Variants in THSD7A observed in about 807,000 individuals in gnomAD.
THSD7A encodes the protein thrombospondin type 1 domain containing 7A, also known as thrombospondin type-1 domain-containing protein 7A.
In THSD7A, 96 loss-of-function variants were observed where a neutral mutation model predicts 231.3. That is an observed-to-expected ratio of 0.41 (90% CI 0.35 to 0.49). THSD7A has a LOEUF of 0.49. Ranked by LOEUF, THSD7A falls within the 20% of genes least tolerant of loss-of-function variation. The probability of loss-of-function intolerance (pLI) is 0.05; values close to 1 mark genes in which losing one functional copy is unlikely to be tolerated. For synonymous variants in THSD7A, 940 were observed against 743.3 expected (o/e 1.26, Z -4.30); for missense variants, 2,290 against 2,070.2 (o/e 1.11, Z -2.06).
chr7:11,601,492 C>G (rs1006993853), intron 2 of THSD7A, among the ~76,000 whole-genome samples: 46 of 152,126 alleles, frequency 3.0e-4, no homozygotes, highest in African/African-American at 1.1e-3. Context: ...CTTGTGGCAA[C>G]CTTGGAGGCT....
At chr7:11,499,804 G>A (rs1391642875) in intron 6 of THSD7A, among the ~76,000 whole-genome samples, 2 of 152,188 alleles carry the variant, frequency 1.3e-5, no homozygotes, top group Admixed American at 1.3e-4. Context: ...AAACATCTGC[G>A]AAGTATGGGA....
chr7:11,406,632 G>T lies in THSD7A; in HGVS notation c.4063-158C>A, dbSNP rs980130677. Among the ~76,000 whole-genome samples the T allele has an allele frequency of 6.6e-6, 1 of 152,134 alleles. No homozygotes were observed. Among genetic ancestry groups the T allele is most frequent in the African/African-American group, 2.4e-5 (1 of 41,418 alleles). ...AGCCCTATAGGGCACTAGCAATAAA[G>T]CATACATTGAACAATTTGTTTCCTA... On this transcript the variant is annotated intron_variant, in intron 21 of 27. Coordinates refer to ENST00000423059, the MANE Select transcript of THSD7A (RefSeq NM_015204.3). The surrounding 1 kb of genome is among the most constrained non-coding windows in gnomAD (Gnocchi z 4.7).
chr7:11,667,671 C>A (rs905403445), intron 1 of THSD7A, among the ~76,000 whole-genome samples: 1 of 151,896 alleles, frequency 6.6e-6, no homozygotes, highest in East Asian at 1.9e-4. Flanking sequence ...GTTAAAATGC[C>A]GATACATGTT....
intron 6 of THSD7A, among the ~76,000 whole-genome samples, chr7:11,540,892 C>A (rs1789117701): frequency 6.6e-6 from 1 of 152,120 alleles, no homozygotes; most frequent in East Asian, 1.9e-4. Flanking sequence ...CCCTAGAGAG[C>A]AAAAGGTCGG....
intron 4 of THSD7A, among the ~76,000 whole-genome samples, chr7:11,576,007 A>G (rs1046592503): frequency 2.6e-5 from 4 of 152,198 alleles, no homozygotes; most frequent in African/African-American, 9.6e-5. Context: ...TCTGTTGCCT[A>G]ATGGGCACTG....
intron 6 of THSD7A, among the ~76,000 whole-genome samples, chr7:11,491,724 A>G (rs949735730): frequency 6.6e-6 from 1 of 152,156 alleles, no homozygotes; most frequent in Non-Finnish European, 1.5e-5. Context: ...ACATAAATAG[A>G]TGGTTCCACA....
At chr7:11,496,322 A>T (rs1403414781) in intron 6 of THSD7A, among the ~76,000 whole-genome samples, 1 of 152,314 alleles carries the variant, frequency 6.6e-6, no homozygotes, top group Admixed American at 6.5e-5. Context: ...GTGAGAGACT[A>T]GCTTAATTTA....
rs148164969 is a variant in THSD7A, at chr7:11,417,668, C to A, written c.3384-65G>T. On this transcript the variant is annotated intron_variant, in intron 16 of 27. Transcript: ENST00000423059. ...CATTCTAGAAGTAAAGAAAACAGGA[C>A]AATTAGAATGACCAACCCACAGGAC... 163 of 1,516,774 alleles carry A rather than the reference C, an allele frequency of 1.1e-4. No homozygotes were observed. In the African/African-American group the frequency reaches 1.9e-3, roughly 18 times the overall value. The allele number at this position is 1,516,774 out of a possible 1,614,324, so 94.0% of individuals were successfully genotyped here. A position where few individuals can be genotyped will look rare whatever the true frequency, so the allele number is the denominator to read the frequency against.
At position 11,406,168 on chromosome 7, in the gene THSD7A, G is replaced by T; in HGVS notation, c.4237+132C>A. On this transcript the variant is annotated intron_variant, in intron 22 of 27. Transcript: ENST00000423059. This position sits in a 1 kb window ranked among gnomAD's most constrained non-coding sequence, Gnocchi z 4.7. ...CCGTTCCCCACAGGCATAGTGTTGA[G>T]CTGTTGGCATAGATATTACTGAATA... 2.2e-6 allele frequency: 2 copies of T among 919,840 alleles called. No homozygotes were observed. The highest frequency in any genetic ancestry group is 3.2e-6 in the Non-Finnish European group (2 of 625,434). The allele number at this position is 919,840 out of a possible 1,614,324, so 57.0% of individuals were successfully genotyped here. A position where few individuals can be genotyped will look rare whatever the true frequency, so the allele number is the denominator to read the frequency against.
chr7:11,790,414 T>C (rs1323004511), intron 1 of THSD7A, among the ~76,000 whole-genome samples: 1 of 151,926 alleles, frequency 6.6e-6, no homozygotes, highest in African/African-American at 2.4e-5. Context: ...TACTTTACAA[T>C]AGAATGGTTT....
intron 1 of THSD7A, among the ~76,000 whole-genome samples, chr7:11,691,749 A>C (rs1020778493): frequency 6.6e-6 from 1 of 151,436 alleles, no homozygotes; most frequent in Non-Finnish European, 1.5e-5. Flanking sequence ...TTGAATTATT[A>C]AGACAACTTT....
intron 6 of THSD7A, among the ~76,000 whole-genome samples, chr7:11,538,395 C>T (rs1789002575): frequency 6.6e-6 from 1 of 152,130 alleles, no homozygotes; most frequent in African/African-American, 2.4e-5. Flanking sequence ...ATTTGATTTA[C>T]ACTCTCAAGT....
In THSD7A at chr7:11,412,623, C is replaced by CTT. The variant is rs757041182; in HGVS notation, c.3682+31_3682+32dup. ...AGAGCTGACAGACACAGGATTTGGACTTAACTCCGTGATCAGATGATGATC... is the reference window on the plus strand; with the variant it reads ...AGAGCTGACAGACACAGGATTTGGACTTTTAACTCCGTGATCAGATGATGATC... On this transcript the variant is annotated intron_variant, in intron 18 of 27. Transcript: ENST00000423059. 1.5e-5 allele frequency: 24 copies of CTT among 1,612,236 alleles called. No individual in the cohort carries two copies. The Admixed American group carries it at 4.0e-4, about 27-fold the overall frequency.
intron 4 of THSD7A, among the ~76,000 whole-genome samples, chr7:11,553,902 A>G (rs937150126): frequency 1.3e-5 from 2 of 151,986 alleles, no homozygotes; most frequent in African/African-American, 4.8e-5. Context: ...CCAATGAAGT[A>G]TTCTGAAGAT....
At chr7:11,756,966 A>G (rs1782698435) in intron 1 of THSD7A, among the ~76,000 whole-genome samples, 1 of 151,932 alleles carries the variant, frequency 6.6e-6, no homozygotes, top group African/African-American at 2.4e-5. Flanking sequence ...GTGAGTTTAG[A>G]TTTTATTCAT....
At chr7:11,797,167 T>C (rs1040515747) in intron 1 of THSD7A, among the ~76,000 whole-genome samples, 1 of 152,136 alleles carries the variant, frequency 6.6e-6, no homozygotes, top group South Asian at 2.1e-4. Context: ...AATATGTATT[T>C]TATGTTTATT....
At chr7:11,633,001 C>G (rs890878561) in intron 2 of THSD7A, among the ~76,000 whole-genome samples, 15 of 152,274 alleles carry the variant, frequency 9.9e-5, no homozygotes, top group Admixed American at 7.8e-4. Flanking sequence ...AAACTGTTCT[C>G]TATGTCATTG....
At position 11,831,782 on chromosome 7, in the gene THSD7A, C is replaced by A; in HGVS notation, c.165G>T (p.Ala55=). ...CAGTCTTCCACAGATAGAGGGTGGGCGCCTCCGCCTCGCCCTGCGCCGCAG... is the reference window on the plus strand; with the variant it reads ...CAGTCTTCCACAGATAGAGGGTGGGAGCCTCCGCCTCGCCCTGCGCCGCAG... The part of the protein sequence containing the change: ...GRAAAQGEAE[A]PTLYLWKTGP... The change falls in exon 1 of 28, where the codon GCG becomes GCT. Residue 55 remains alanine (A), a synonymous_variant. Transcript: ENST00000423059. This position sits in a 1 kb window ranked among gnomAD's most constrained non-coding sequence, Gnocchi z 5.0. 6.8e-7 allele frequency: 1 copy of A among 1,477,784 alleles called. No homozygotes were observed. The highest frequency in any genetic ancestry group is 2.5e-4 in the Middle Eastern group (1 of 3,936). 91.5% of individuals were successfully genotyped at this position (1,477,784 alleles called of 1,614,324 possible). A position where few individuals can be genotyped will look rare whatever the true frequency, so the allele number is the denominator to read the frequency against.
At chr7:11,531,733 G>A (rs1788718567) in intron 6 of THSD7A, among the ~76,000 whole-genome samples, 1 of 152,192 alleles carries the variant, frequency 6.6e-6, no homozygotes, top group African/African-American at 2.4e-5. Context: ...GAGAAAAGAT[G>A]ATGAGTTTGA....
Sources: gnomAD v4.1 joint callset for allele counts (sites outside exome capture counted in the v4.1 genomes callset) on GRCh38, gnomAD v4.1.1 for gene constraint, Gnocchi (gnomAD v3.1) non-coding constraint, MANE v1.5 for transcripts, NCBI Gene and HGNC (gene_info 2026-07-23, HGNC 2026-07-21) for gene names.